KIF26B: variants seen among roughly 807,000 people sequenced by gnomAD.
KIF26B encodes the protein kinesin-like protein KIF26B.
KIF26B carries 63 observed loss-of-function variants against 151.2 expected under a neutral mutation model. The observed-to-expected ratio is 0.42, with a 90% CI of 0.34 to 0.51. KIF26B has a LOEUF of 0.51. Among genes scored for constraint, KIF26B ranks in the 20% least tolerant of loss-of-function variants. The probability of loss-of-function intolerance (pLI) is 0.07; values close to 1 mark genes in which losing one functional copy is unlikely to be tolerated. For missense variants in KIF26B, 2,813 were observed against 2,913.6 expected, an observed-to-expected ratio of 0.97 and a Z score of 0.79; for synonymous variants, 1,357 against 1,262.1, an observed-to-expected ratio of 1.08 and a Z score of -1.59.
chr1:245,686,625 C>T lies in KIF26B; in HGVS notation c.3642C>T (p.Asn1214=). Residue 1214 remains asparagine, a synonymous_variant, in exon 12 of 15, where the codon AAC becomes AAT. Coordinates refer to ENST00000407071, the MANE Select transcript of KIF26B (RefSeq NM_018012.4). This position sits in a 1 kb window ranked among gnomAD's most constrained non-coding sequence, Gnocchi z 5.6. ...SGRPTSIISF[N]SDCSARALAS... is the part of the protein sequence containing the mutation. ...GCCCCACCAGCATCATCAGCTTCAA[C>T]AGCGACTGCTCTGCACGGGCCCTGG... is the stretch of plus-strand genomic sequence containing the variant. The T allele has an allele frequency of 1.2e-6, 2 of 1,611,166 alleles. No homozygotes were observed. The highest frequency in any genetic ancestry group is 1.1e-5 in the South Asian group (1 of 90,688).
intron 2 of KIF26B, among the ~76,000 whole-genome samples, chr1:245,223,445 C>T (rs1669811491): frequency 6.6e-6 from 1 of 152,218 alleles, no homozygotes; most frequent in East Asian, 1.9e-4. Context: ...ACCCAGACTC[C>T]TGTCAGGACA....
At chr1:245,277,642 T>TA (rs527282911) in intron 2 of KIF26B, among the ~76,000 whole-genome samples, 3,499 of 151,564 alleles carry the variant, frequency 0.023, 72 homozygotes, top group East Asian at 0.042. Flanking sequence ...AAAAACCACT[T>TA]AAAAAAAAAG....
rs1006873518 is a variant in KIF26B, at chr1:245,186,219, C to G, written c.465+29536C>G. On this transcript the variant is annotated intron_variant, in intron 2 of 14. Coordinates refer to ENST00000407071, the MANE Select transcript of KIF26B (RefSeq NM_018012.4). ...CCTTCTCCCACGTGCGCTAATTTTC[C>G]AAATAACAGCCACATCAACAGAATG... Among the ~76,000 whole-genome samples, 4 of 149,238 alleles carry G rather than the reference C, an allele frequency of 2.7e-5. No homozygotes were observed. In the South Asian group the frequency reaches 8.6e-4, roughly 32 times the overall value.
rs72762884 is a variant in KIF26B at position 245,601,972 on chromosome 1, C to G, written c.1351-605C>G. Among the ~76,000 whole-genome samples the G allele has an allele frequency of 0.017, 2,571 of 152,290 alleles. 26 individuals are homozygous for G. Among genetic ancestry groups the G allele is most frequent in the Non-Finnish European group, 0.03 (2,015 of 68,030 alleles). Reference sequence around the variant, plus strand: ...AGAGATGCACTTCCATTCTCTGAAACGACAACTTCTCTGCACTCGCTTAAT... The same window carrying G: ...AGAGATGCACTTCCATTCTCTGAAAGGACAACTTCTCTGCACTCGCTTAAT... On this transcript the variant is annotated intron_variant, in intron 5 of 14. Transcript: ENST00000407071. The surrounding 1 kb of genome is among the most constrained non-coding windows in gnomAD (Gnocchi z 4.4).
At chr1:245,514,332 G>C (rs1660903366) in intron 4 of KIF26B, among the ~76,000 whole-genome samples, 1 of 152,052 alleles carries the variant, frequency 6.6e-6, no homozygotes, top group Admixed American at 6.6e-5. Context: ...TTCAAGACTG[G>C]CCTAGCCAAC....
chr1:245,492,752 G>C (rs1462318217), intron 4 of KIF26B, among the ~76,000 whole-genome samples: 3 of 152,104 alleles, frequency 2.0e-5, no homozygotes, highest in Non-Finnish European at 4.4e-5. Flanking sequence ...TTGTTTCCAG[G>C]TCATGTTACA....
rs1668630939 is a variant in KIF26B, at chr1:245,167,223, TA to T, written c.465+10543del. On this transcript the variant is annotated intron_variant, in intron 2 of 14. Transcript: ENST00000407071. The surrounding 1 kb of genome is among the most constrained non-coding windows in gnomAD (Gnocchi z 4.2). ...GCTTGAAAGCATGAGCTGCAAATAA[TA>T]AATTAAAATCCGCTTTTCTATCACA... Among the ~76,000 whole-genome samples, 1 of 152,100 alleles carries T rather than the reference TA, an allele frequency of 6.6e-6. No individual in the cohort carries two copies. The highest frequency in any genetic ancestry group is 2.4e-5 in the African/African-American group (1 of 41,420).
At chr1:245,515,162 C>T (rs1365397841) in intron 4 of KIF26B, among the ~76,000 whole-genome samples, 5 of 152,168 alleles carry the variant, frequency 3.3e-5, no homozygotes, top group Non-Finnish European at 7.4e-5. Flanking sequence ...ATGGGTTACT[C>T]CTTACTCCAC....
chr1:245,512,075 AT>A lies in KIF26B; in HGVS notation c.1167-28686del, dbSNP rs1459572320. Among the ~76,000 whole-genome samples the A allele has an allele frequency of 6.6e-6, 1 of 152,156 alleles. No individual in the cohort carries two copies. Among genetic ancestry groups the A allele is most frequent in the African/African-American group, 2.4e-5 (1 of 41,440 alleles). ...AAGGTCATCAAAAGAGATGGCTGAT[AT>A]TTTTTATGGTCATTTGCAACTTTTT... On this transcript the variant is annotated intron_variant, in intron 4 of 14. Coordinates refer to ENST00000407071, the MANE Select transcript of KIF26B (RefSeq NM_018012.4). This position sits in a 1 kb window ranked among gnomAD's most constrained non-coding sequence, Gnocchi z 4.3.
intron 2 of KIF26B, among the ~76,000 whole-genome samples, chr1:245,181,425 C>T (rs1668904634): frequency 6.6e-6 from 1 of 151,478 alleles, no homozygotes; most frequent in Non-Finnish European, 1.5e-5. Context: ...AGGCTGTTGC[C>T]AATGCCTCTT....
At chr1:245,437,882 A>G (rs1658973238) in intron 4 of KIF26B, among the ~76,000 whole-genome samples, 1 of 152,138 alleles carries the variant, frequency 6.6e-6, no homozygotes. Flanking sequence ...TGTGTCTTTG[A>G]CCTTGTTCAA....
At position 245,488,452 on chromosome 1, in the gene KIF26B, G is replaced by T. The variant is rs904249360; in HGVS notation, c.1167-52315G>T. Among the ~76,000 whole-genome samples, 3 of 152,152 alleles carry T rather than the reference G, an allele frequency of 2.0e-5. No homozygotes were observed. Among genetic ancestry groups the T allele is most frequent in the Non-Finnish European group, 4.4e-5 (3 of 68,028 alleles). ...CCTTGCTGGGTAGGATTGTTTCAGA[G>T]GATATGAAGGACAAGGGACTGAGCC... On this transcript the variant is annotated intron_variant, in intron 4 of 14. Coordinates refer to ENST00000407071, the MANE Select transcript of KIF26B (RefSeq NM_018012.4). The surrounding 1 kb of genome is among the most constrained non-coding windows in gnomAD (Gnocchi z 4.6).
In KIF26B at chr1:245,687,200, A is replaced by T; in HGVS notation, c.4217A>T (p.Glu1406Val). The T allele has an allele frequency of 6.2e-7, 1 of 1,612,948 alleles. No homozygotes were observed. The highest frequency in any genetic ancestry group is 8.5e-7 in the Non-Finnish European group (1 of 1,179,660). ...GCCATGAGCCCCCGGAACATCCAAG[A>T]GCCGGAGGCCCCCACCGCCACCCCC... The part of the protein sequence containing the change: ...CIAMSPRNIQ[E>V]PEAPTATPKA... Residue 1406 changes from glutamate (E) to valine (V), a missense_variant, in exon 12 of 15, where the codon GAG becomes GTG. Physicochemically the swap from Glu to Val is moderately radical, Grantham distance 121. Transcript: ENST00000407071. This position sits in a 1 kb window ranked among gnomAD's most constrained non-coding sequence, Gnocchi z 4.9.
In KIF26B at chr1:245,642,372, G is replaced by A. The variant is rs570714475; in HGVS notation, c.2099-3749G>A. ...TGGAGTAGTTTCTTGCCCATAACAG[G>A]AGGAGCTAAAGCCAAGACTGGGCCT... On this transcript the variant is annotated intron_variant, in intron 9 of 14. Transcript: ENST00000407071. Among the ~76,000 whole-genome samples, 4 of 152,148 alleles carry A rather than the reference G, an allele frequency of 2.6e-5. No individual in the cohort carries two copies. In the South Asian group the frequency reaches 8.3e-4, roughly 32 times the overall value.
intron 12 of KIF26B, among the ~76,000 whole-genome samples, chr1:245,689,258 G>A (rs557155245): frequency 1.3e-5 from 2 of 152,336 alleles, no homozygotes; most frequent in East Asian, 1.9e-4. Flanking sequence ...CAAGGATCCT[G>A]TGGACGGTTT....
intron 10 of KIF26B, among the ~76,000 whole-genome samples, chr1:245,674,625 GGGTTTTCATCAAA>G (rs1171714724): frequency 3.3e-5 from 5 of 151,908 alleles, no homozygotes; most frequent in Non-Finnish European, 7.4e-5. Context: ...TTGTTGTTTT[GGGTTTTCATCAAA>G]GTGATGACAT....
In KIF26B at chr1:245,170,007, T is replaced by C. The variant is rs1317057303; in HGVS notation, c.465+13324T>C. Reference sequence around the variant, plus strand: ...CTGTCTTGTTCACTTTGTTTTTTGTTTGGTGCCTGTGTACCAAGTAGATTT... The same window carrying C: ...CTGTCTTGTTCACTTTGTTTTTTGTCTGGTGCCTGTGTACCAAGTAGATTT... On this transcript the variant is annotated intron_variant, in intron 2 of 14. Transcript: ENST00000407071. The surrounding 1 kb of genome is among the most constrained non-coding windows in gnomAD (Gnocchi z 4.4). Among the ~76,000 whole-genome samples, 1 of 152,162 alleles carries C rather than the reference T, an allele frequency of 6.6e-6. No individual in the cohort carries two copies. Among genetic ancestry groups the C allele is most frequent in the Non-Finnish European group, 1.5e-5 (1 of 68,036 alleles).
intron 4 of KIF26B, among the ~76,000 whole-genome samples, chr1:245,435,013 A>G (rs1025248091): frequency 3.4e-5 from 5 of 148,902 alleles, no homozygotes; most frequent in African/African-American, 1.2e-4. Flanking sequence ...CCATCCATCC[A>G]TCCATCTCTC....
intron 4 of KIF26B, among the ~76,000 whole-genome samples, chr1:245,476,655 C>T (rs911175020): frequency 1.3e-5 from 2 of 151,520 alleles, no homozygotes; most frequent in African/African-American, 4.8e-5. Context: ...CACACCTCAG[C>T]CTCCCGAGTA....
Sources: allele counts gnomAD v4.1 joint callset (sites outside exome capture counted in the v4.1 genomes callset), GRCh38; gene constraint gnomAD v4.1.1; non-coding constraint Gnocchi (gnomAD v3.1); transcripts MANE v1.5; gene names NCBI Gene and HGNC (gene_info 2026-07-23, HGNC 2026-07-21).